TWSG1: variants seen among roughly 807,000 people sequenced by gnomAD.
TWSG1 encodes the protein twisted gastrulation protein homolog 1.
A neutral mutation model predicts 23.0 loss-of-function variants in TWSG1; 15 were observed. That is an observed-to-expected ratio of 0.65 (90% CI 0.44 to 1.00). The LOEUF (loss-of-function observed/expected upper bound fraction) is 1.00. Among genes scored for constraint, TWSG1 ranks in the 50% least tolerant of loss-of-function variants. The probability of loss-of-function intolerance (pLI) is 0.00; values close to 1 mark genes in which losing one functional copy is unlikely to be tolerated. For synonymous variants in TWSG1, 86 were observed against 92.8 expected, an observed-to-expected ratio of 0.93 and a Z score of 0.42; for missense variants, 242 against 278.7, an observed-to-expected ratio of 0.87 and a Z score of 0.94.
At chr18:9,361,925 T>C (rs2040554513) in intron 3 of TWSG1, among the ~76,000 whole-genome samples, 1 of 152,228 alleles carries the variant, frequency 6.6e-6, no homozygotes, top group South Asian at 2.1e-4. Flanking sequence ...CTCAGGGTTC[T>C]GTGGGGTGCA....
intron 3 of TWSG1, among the ~76,000 whole-genome samples, chr18:9,361,848 G>C (rs1447777109): frequency 6.6e-6 from 1 of 152,162 alleles, no homozygotes; most frequent in Non-Finnish European, 1.5e-5. Context: ...ACAGGGACCT[G>C]AAGGTATAAC....
Position 9,337,216 on chromosome 18 carries a change from T to G in TWSG1, c.-14T>G, listed in dbSNP as rs374478736. 6.2e-7 allele frequency: 1 copy of G among 1,608,944 alleles called. No homozygotes were observed. The highest frequency in any genetic ancestry group is 8.5e-7 in the Non-Finnish European group (1 of 1,179,790). On this transcript the variant is annotated 5_prime_UTR_variant, in exon 2 of 5. Coordinates refer to ENST00000262120, the MANE Select transcript of TWSG1 (RefSeq NM_020648.6). Reference sequence around the variant, plus strand: ...AGTTTCCTGGGAGTTACTGATCATCTTCTTTGAAGAAACATGAAGTTACAC... The same window carrying G: ...AGTTTCCTGGGAGTTACTGATCATCGTCTTTGAAGAAACATGAAGTTACAC...
At chr18:9,369,873 A>G (rs1244361899) in intron 3 of TWSG1, among the ~76,000 whole-genome samples, 3 of 152,158 alleles carry the variant, frequency 2.0e-5, no homozygotes, top group African/African-American at 7.2e-5. Context: ...CGCTTATCAA[A>G]TGTATGGTTT....
Position 9,378,496 on chromosome 18 carries a change from A to G in TWSG1, c.224-17784A>G, listed in dbSNP as rs184855922. Among the ~76,000 whole-genome samples the G allele has an allele frequency of 5.8e-3, 887 of 152,340 alleles. 2 individuals carry two copies. Among genetic ancestry groups the G allele is most frequent in the South Asian group, 0.018 (85 of 4,830 alleles). On this transcript the variant is annotated intron_variant, in intron 3 of 4. Transcript: ENST00000262120. ...CAGCACCCATGCTGAGAGCCAAATTAGGAACTCAATCCCATTCACAGTTGT... is the reference window on the plus strand; with the variant it reads ...CAGCACCCATGCTGAGAGCCAAATTGGGAACTCAATCCCATTCACAGTTGT...
chr18:9,358,583 T>C (rs949841373), intron 2 of TWSG1, among the ~76,000 whole-genome samples: 3 of 152,138 alleles, frequency 2.0e-5, no homozygotes, highest in African/African-American at 7.2e-5. Context: ...AGAGAAATTA[T>C]ATTTGGAGGA....
intron 3 of TWSG1, among the ~76,000 whole-genome samples, chr18:9,382,671 G>T (rs577271704): frequency 5.3e-5 from 8 of 151,918 alleles, no homozygotes; most frequent in Admixed American, 3.3e-4. Context: ...GCTGGGCGTG[G>T]TGGTGGGTGC....
intron 3 of TWSG1, among the ~76,000 whole-genome samples, chr18:9,392,978 C>T (rs1162872426): frequency 6.6e-6 from 1 of 152,166 alleles, no homozygotes; most frequent in African/African-American, 2.4e-5. Context: ...GGAGGCACTT[C>T]CTGCTGCTGC....
At chr18:9,344,689 T>C (rs2040468154) in intron 2 of TWSG1, among the ~76,000 whole-genome samples, 1 of 151,976 alleles carries the variant, frequency 6.6e-6, no homozygotes, top group Admixed American at 6.6e-5. Flanking sequence ...CCACCATGTC[T>C]GGTTAGCTTA....
chr18:9,372,683 A>G (rs74352342), intron 3 of TWSG1, among the ~76,000 whole-genome samples: 1 of 151,986 alleles, frequency 6.6e-6, no homozygotes, highest in East Asian at 1.9e-4. Context: ...ATGAAGTGAT[A>G]TGGTTTATTC....
At chr18:9,366,470 C>T (rs1263432443) in intron 3 of TWSG1, among the ~76,000 whole-genome samples, 1 of 152,232 alleles carries the variant, frequency 6.6e-6, no homozygotes, top group Non-Finnish European at 1.5e-5. Context: ...TCAAATGTTT[C>T]TTCCTTAATC....
rs974991459 is a variant in TWSG1, at chr18:9,399,852, C to A, written c.*325C>A. The A allele has an allele frequency of 8.6e-5, 16 of 185,622 alleles. No individual in the cohort carries two copies. The highest frequency in any genetic ancestry group is 3.3e-4 in the South Asian group (2 of 6,112). 11.5% of individuals were successfully genotyped at this position (185,622 alleles called of 1,614,324 possible). A position where few individuals can be genotyped will look rare whatever the true frequency, so the allele number is the denominator to read the frequency against. ...TCTGACGTGGTTTTCCTCTAGCATTCCAAAAGGTTTTTGCTTTGAAAGTGT... is the reference window on the plus strand; with the variant it reads ...TCTGACGTGGTTTTCCTCTAGCATTACAAAAGGTTTTTGCTTTGAAAGTGT... On this transcript the variant is annotated 3_prime_UTR_variant, in exon 5 of 5. Transcript: ENST00000262120.
At chr18:9,384,789 G>A (rs1378571539) in intron 3 of TWSG1, among the ~76,000 whole-genome samples, 6 of 152,076 alleles carry the variant, frequency 3.9e-5, no homozygotes, top group Non-Finnish European at 8.8e-5. Flanking sequence ...GGGACTACAG[G>A]CACATGCCAC....
At chr18:9,340,481 A>G (rs187964871) in intron 2 of TWSG1, among the ~76,000 whole-genome samples, 1 of 151,196 alleles carries the variant, frequency 6.6e-6, no homozygotes, top group African/African-American at 2.4e-5. Flanking sequence ...GATTAGTTCC[A>G]CTCTTCACCT....
chr18:9,377,299 A>G (rs1309524491), intron 3 of TWSG1, among the ~76,000 whole-genome samples: 1 of 150,810 alleles, frequency 6.6e-6, no homozygotes, highest in Non-Finnish European at 1.5e-5. Flanking sequence ...GCTCACTGCA[A>G]CCTCCGCCTC....
intron 2 of TWSG1, among the ~76,000 whole-genome samples, chr18:9,353,546 A>AT (rs757925602): frequency 3.4e-4 from 52 of 152,274 alleles, no homozygotes; most frequent in Non-Finnish European, 6.0e-4. Context: ...TAAAGTTTTA[A>AT]TTTTTTTCCA....
intron 3 of TWSG1, among the ~76,000 whole-genome samples, chr18:9,372,294 A>G (rs1469311733): frequency 6.6e-6 from 1 of 151,362 alleles, no homozygotes; most frequent in East Asian, 1.9e-4. Context: ...CATTCCTATG[A>G]TACAGTTTAA....
In TWSG1 at chr18:9,362,815, T is replaced by A. The variant is rs191455606; in HGVS notation, c.223+2744T>A. ...GCTTCCAGGCTAGTTCTCATTTTTTTAAAAAAAGCTTATTTACCTTTAAGG... is the reference window on the plus strand; with the variant it reads ...GCTTCCAGGCTAGTTCTCATTTTTTAAAAAAAAGCTTATTTACCTTTAAGG... On this transcript the variant is annotated intron_variant, in intron 3 of 4. Transcript: ENST00000262120. Among the ~76,000 whole-genome samples the A allele has an allele frequency of 2.9e-3, 449 of 152,294 alleles. 2 individuals carry two copies. The highest frequency in any genetic ancestry group is 0.01 in the African/African-American group (423 of 41,570).
At position 9,356,910 on chromosome 18, in the gene TWSG1, G is replaced by A. The variant is rs749243043; in HGVS notation, c.124-3062G>A. ...TGAAAGGATATTTTCTACATATAAA[G>A]TAAATTAAAATTTTTTAAAAAGCTT... On this transcript the variant is annotated intron_variant, in intron 2 of 4. Coordinates refer to ENST00000262120, the MANE Select transcript of TWSG1 (RefSeq NM_020648.6). Among the ~76,000 whole-genome samples, 39 of 137,496 alleles carry A rather than the reference G, an allele frequency of 2.8e-4. 1 individual carries two copies. The highest frequency in any genetic ancestry group is 2.8e-4 in the Non-Finnish European group (18 of 64,762). 90.2% of individuals were successfully genotyped at this position (137,496 alleles called of 152,430 possible).
intron 3 of TWSG1, among the ~76,000 whole-genome samples, chr18:9,394,049 A>G (rs1244213320): frequency 6.6e-6 from 1 of 152,232 alleles, no homozygotes; most frequent in Non-Finnish European, 1.5e-5. Flanking sequence ...TCCCATTACT[A>G]TACATTTATG....
Sources: gnomAD v4.1 joint callset for allele counts (sites outside exome capture counted in the v4.1 genomes callset) on GRCh38, gnomAD v4.1.1 for gene constraint, MANE v1.5 for transcripts, NCBI Gene and HGNC (gene_info 2026-07-23, HGNC 2026-07-21) for gene names.